TPTE: variants seen among roughly 807,000 people sequenced by gnomAD.
The protein encoded by TPTE is putative tyrosine-protein phosphatase TPTE.
A neutral mutation model predicts 84.1 loss-of-function variants in TPTE; 59 were observed. The ratio of observed to expected loss-of-function variants is 0.70; its 90% CI spans 0.57 to 0.87. The LOEUF (loss-of-function observed/expected upper bound fraction) is 0.87, where lower values mean the gene tolerates loss of function less well. TPTE is among the 40% of genes least tolerant of loss of function. TPTE has a pLI of 0.00. For missense variants in TPTE, 382 were observed against 659.6 expected, an observed-to-expected ratio of 0.58 and a Z score of 4.61; for synonymous variants, 130 against 223.5, an observed-to-expected ratio of 0.58 and a Z score of 3.73.
intron 17 of TPTE, among the ~76,000 whole-genome samples, chr21:10,587,177 T>C (rs1387247801): frequency 4.3e-4 from 65 of 152,272 alleles, no homozygotes; most frequent in African/African-American, 1.5e-3. Flanking sequence ...TATTTGTTTT[T>C]TAATAGGCAA....
intron 6 of TPTE, among the ~76,000 whole-genome samples, chr21:10,542,961 G>A (rs1431143146): frequency 6.6e-6 from 1 of 151,438 alleles, no homozygotes; most frequent in Non-Finnish European, 1.5e-5. Flanking sequence ...AGTAATAAAA[G>A]CTAATTTTCC....
At chr21:10,545,157 TA>T (rs2074441657) in intron 7 of TPTE, among the ~76,000 whole-genome samples, 1 of 152,310 alleles carries the variant, frequency 6.6e-6, no homozygotes, top group Non-Finnish European at 1.5e-5. Flanking sequence ...TTAAAAAGAG[TA>T]ATGTGTGGTA....
chr21:10,546,754 A>T (rs929541590), intron 7 of TPTE, among the ~76,000 whole-genome samples: 1 of 152,304 alleles, frequency 6.6e-6, no homozygotes, highest in Admixed American at 6.5e-5. Context: ...CAAGGCCCTC[A>T]CTCTCTTTGA....
intron 19 of TPTE, among the ~76,000 whole-genome samples, chr21:10,594,722 C>T (rs2075549326): frequency 6.6e-6 from 1 of 152,308 alleles, no homozygotes; most frequent in African/African-American, 2.4e-5. Context: ...CCAGAACTAG[C>T]ACACCAAAGG....
chr21:10,548,144 A>T (rs1048292010), intron 7 of TPTE, among the ~76,000 whole-genome samples: 1 of 152,300 alleles, frequency 6.6e-6, no homozygotes. Flanking sequence ...TGTATCTCAG[A>T]CCTGAGAGAC....
chr21:10,557,568 A>G (rs529126394), intron 8 of TPTE, among the ~76,000 whole-genome samples: 37 of 152,396 alleles, frequency 2.4e-4, no homozygotes, highest in African/African-American at 8.2e-4. Context: ...GGGAATGGCA[A>G]CTTGAGGAGA....
intron 10 of TPTE, among the ~76,000 whole-genome samples, chr21:10,565,964 C>T (rs1245801833): frequency 2.6e-5 from 4 of 152,308 alleles, no homozygotes; most frequent in African/African-American, 9.6e-5. Flanking sequence ...ATTACTTGGG[C>T]TATACCTGAC....
In TPTE at chr21:10,569,514, T is replaced by C. The variant is rs1211817707; in HGVS notation, c.644T>C (p.Leu215Pro). Residue 215 changes from leucine to proline, a missense_variant, in exon 12 of 24, where the codon CTT becomes CCT. Transcript: ENST00000618007. The stretch of plus-strand genomic sequence containing the variant: ...CATCTGTTTCATCAAAAAAGACAAC[T>C]TGAAAAGCTGATAAGAAGGCGGGTA... ...IFHLFHQKRQ[L>P]EKLIRRRVSE... 1.2e-6 allele frequency: 2 copies of C among 1,613,930 alleles called. No individual in the cohort carries two copies. The highest frequency in any genetic ancestry group is 1.7e-6 in the Non-Finnish European group (2 of 1,179,828).
At chr21:10,582,636 T>G (rs945525129) in intron 17 of TPTE, among the ~76,000 whole-genome samples, 1 of 152,312 alleles carries the variant, frequency 6.6e-6, no homozygotes, top group African/African-American at 2.4e-5. Flanking sequence ...GCACATCTTT[T>G]CAAATATTCA....
At chr21:10,564,280 C>T (rs1397393792) in intron 10 of TPTE, among the ~76,000 whole-genome samples, 9 of 152,420 alleles carry the variant, frequency 5.9e-5, no homozygotes, top group African/African-American at 9.6e-5. Flanking sequence ...GAGGCAGAGG[C>T]GGGTGGTTTA....
intron 3 of TPTE, among the ~76,000 whole-genome samples, chr21:10,536,340 A>G (rs1290492237): frequency 1.3e-5 from 2 of 152,310 alleles, no homozygotes; most frequent in Admixed American, 6.5e-5. Flanking sequence ...TCAACCAGAT[A>G]GTACATTGTA....
At chr21:10,522,661 C>G (rs1353473680) in intron 1 of TPTE, among the ~76,000 whole-genome samples, 1 of 152,308 alleles carries the variant, frequency 6.6e-6, no homozygotes, top group African/African-American at 2.4e-5. Flanking sequence ...AGTATCTGTT[C>G]ACGTATTTTG....
At chr21:10,550,888 A>C (rs570300486) in intron 7 of TPTE, among the ~76,000 whole-genome samples, 3 of 152,430 alleles carry the variant, frequency 2.0e-5, no homozygotes, top group Admixed American at 2.0e-4. Context: ...TAAAAATTGA[A>C]ATTCTATCAG....
chr21:10,577,392 G>A (rs1455499607), intron 14 of TPTE, 68 bp from the exon 15 acceptor site: 1 of 1,613,378 alleles, frequency 6.2e-7, no homozygotes, highest in African/African-American at 1.3e-5. Context: ...ACCATTTTAG[G>A]TTCCCCCTAG....
intron 7 of TPTE, among the ~76,000 whole-genome samples, chr21:10,549,609 A>C (rs953892175): frequency 6.6e-6 from 1 of 152,304 alleles, no homozygotes; most frequent in Non-Finnish European, 1.5e-5. Context: ...TAATTTCTGA[A>C]CTTGAAGACA....
At chr21:10,564,864 A>G (rs972164979) in intron 10 of TPTE, among the ~76,000 whole-genome samples, 1 of 152,312 alleles carries the variant, frequency 6.6e-6, no homozygotes. Flanking sequence ...CTTAATAAAA[A>G]CCATATATGA....
intron 3 of TPTE, among the ~76,000 whole-genome samples, chr21:10,537,332 T>A (rs1406158187): frequency 1.3e-5 from 2 of 152,300 alleles, no homozygotes; most frequent in South Asian, 4.1e-4. Context: ...CACTGCCAAG[T>A]CTAAATTCAA....
chr21:10,582,186 C>T (rs2075283647), intron 17 of TPTE, among the ~76,000 whole-genome samples: 1 of 152,310 alleles, frequency 6.6e-6, no homozygotes, highest in African/African-American at 2.4e-5. Context: ...GTTCCATTTT[C>T]AATATTTGGG....
At chr21:10,555,410 G>A (rs1255264955) in intron 8 of TPTE, among the ~76,000 whole-genome samples, 3 of 152,424 alleles carry the variant, frequency 2.0e-5, no homozygotes, top group South Asian at 4.1e-4. Context: ...GTTTCACCAC[G>A]TTGGCCAGGA....
Sources: allele counts gnomAD v4.1 joint callset (sites outside exome capture counted in the v4.1 genomes callset), GRCh38; gene constraint gnomAD v4.1.1; transcripts MANE v1.5; gene names NCBI Gene and HGNC (gene_info 2026-07-23, HGNC 2026-07-21).